The following COPS4 variants were observed in gnomAD, a reference collection of about 807,000 sequenced individuals.
COPS4 encodes COP9 signalosome complex subunit 4.
Under a neutral mutation model 55.1 loss-of-function variants are expected in COPS4, and 8 were observed. That is an observed-to-expected ratio of 0.15 (90% CI 0.09 to 0.26). COPS4 has a LOEUF of 0.26. Among genes scored for constraint, COPS4 ranks in the 10% least tolerant of loss-of-function variants. The pLI, the probability that COPS4 is intolerant of heterozygous loss-of-function variation, is 1.00. For missense variants in COPS4, 248 were observed against 484.0 expected, an observed-to-expected ratio of 0.51 and a Z score of 4.58; for synonymous variants, 185 against 165.7, an observed-to-expected ratio of 1.12 and a Z score of -0.90.
chr4:83,068,257 C>T (rs10471050), intron 8 of COPS4, among the ~76,000 whole-genome samples, 181 bp from the exon 9 acceptor site: 9,910 of 152,142 alleles, frequency 0.065, 1,103 homozygotes, highest in African/African-American at 0.22. Flanking sequence ...AAAATAATGG[C>T]TTATGTACAG....
chr4:83,073,356 AAT>A (rs541336284), intron 9 of COPS4: 96 of 643,454 alleles, frequency 1.5e-4, no homozygotes, highest in African/African-American at 1.4e-3. Flanking sequence ...CATGGCAGGT[AAT>A]CAGTGCTTCA....
chr4:83,056,536 C>T (rs552963753), intron 4 of COPS4, among the ~76,000 whole-genome samples: 6 of 152,272 alleles, frequency 3.9e-5, no homozygotes, highest in South Asian at 2.1e-4. Context: ...CAGTGGCTCA[C>T]GCCTGTAATC....
chr4:83,073,381 G>A (rs1382678459), intron 9 of COPS4: 1 of 584,996 alleles, frequency 1.7e-6, no homozygotes, highest in East Asian at 2.9e-5. Context: ...CATTTTTATA[G>A]CCGAATAGCA....
chr4:83,044,515 C>T (rs895124437), intron 1 of COPS4, among the ~76,000 whole-genome samples: 1 of 150,620 alleles, frequency 6.6e-6, no homozygotes, highest in Admixed American at 6.6e-5. Flanking sequence ...CGGTGGCTAA[C>T]GCCTGTAATC....
intron 4 of COPS4, among the ~76,000 whole-genome samples, chr4:83,056,615 G>A (rs993915437): frequency 6.6e-6 from 1 of 152,042 alleles, no homozygotes; most frequent in African/African-American, 2.4e-5. Flanking sequence ...TGGCTAACAC[G>A]ATGAAACCCC....
chr4:83,063,387 A>C (rs1731214439), intron 7 of COPS4, 141 bp downstream of exon 7: 2 of 615,498 alleles, frequency 3.2e-6, no homozygotes, highest in East Asian at 7.5e-5. Flanking sequence ...TTTTATTTAA[A>C]ATTTTTTTTT....
intron 7 of COPS4, chr4:83,065,174 C>T: frequency 2.1e-6 from 1 of 473,622 alleles, no homozygotes; most frequent in South Asian, 3.8e-5. Context: ...CTGCACCTGC[C>T]TGCTTTTTTG....
intron 1 of COPS4, among the ~76,000 whole-genome samples, chr4:83,037,697 G>A (rs1311996432): frequency 6.6e-6 from 1 of 151,892 alleles, no homozygotes; most frequent in Admixed American, 6.6e-5. Context: ...AGGTTTTTGG[G>A]TGTTTTTTTT....
chr4:83,063,342 T>A, intron 7 of COPS4, 96 bp downstream of exon 7: 1 of 756,396 alleles, frequency 1.3e-6, no homozygotes. Flanking sequence ...ATAATAATTC[T>A]ACATAACACT....
chr4:83,041,860 AT>A (rs1226242223), intron 1 of COPS4, among the ~76,000 whole-genome samples: 1 of 150,926 alleles, frequency 6.6e-6, no homozygotes, highest in Non-Finnish European at 1.5e-5. Flanking sequence ...TATTATTGTA[AT>A]TTAATACTTT....
intron 6 of COPS4, among the ~76,000 whole-genome samples, chr4:83,059,221 T>C (rs915533890): frequency 6.6e-6 from 1 of 152,140 alleles, no homozygotes; most frequent in African/African-American, 2.4e-5. Context: ...GTTTTGTTTA[T>C]GACATTTTTG....
chr4:83,073,817 C>T lies in COPS4; in HGVS notation c.1088-1480C>T, dbSNP rs886249766. 1.4e-4 allele frequency among the ~76,000 whole-genome samples: 21 copies of T among 152,138 alleles called. 1 individual carries two copies. The highest frequency in any genetic ancestry group is 1.2e-3 in the Admixed American group (19 of 15,272). On this transcript the variant is annotated intron_variant, in intron 9 of 9. Transcript: ENST00000264389. ...ACTAAAAATACAAAAATTAGCTGGG[C>T]GTAGTGGTGCATGCCTGTAGTCCCA...
chr4:83,041,066 T>C (rs1354257565), intron 1 of COPS4, among the ~76,000 whole-genome samples: 1 of 151,456 alleles, frequency 6.6e-6, no homozygotes, highest in Non-Finnish European at 1.5e-5. Flanking sequence ...TTTTTGTTTT[T>C]TGTTTTTTTT....
At chr4:83,070,832 G>A (rs1731408633) in intron 9 of COPS4, among the ~76,000 whole-genome samples, 1 of 152,178 alleles carries the variant, frequency 6.6e-6, no homozygotes, top group Non-Finnish European at 1.5e-5. Flanking sequence ...TGTTTACACT[G>A]TAATGAATGT....
intron 8 of COPS4, among the ~76,000 whole-genome samples, chr4:83,067,516 G>A (rs1285152264): frequency 1.4e-5 from 2 of 139,956 alleles, no homozygotes; most frequent in Non-Finnish European, 3.0e-5. Context: ...GAGTCACCAC[G>A]CCCAGCCCTT....
At chr4:83,044,835 G>A (rs964468505) in intron 1 of COPS4, among the ~76,000 whole-genome samples, 7 of 152,126 alleles carry the variant, frequency 4.6e-5, no homozygotes, top group Non-Finnish European at 7.4e-5. Flanking sequence ...CTAACCACTC[G>A]TTAAGAAATA....
chr4:83,055,449 T>G (rs1402957440), intron 4 of COPS4, among the ~76,000 whole-genome samples: 3 of 452 alleles, frequency 6.6e-3, no homozygotes. Context: ...TATTCTACCT[T>G]TTTTTTTTTT....
intron 9 of COPS4, chr4:83,073,097 T>G (rs1272987172): frequency 2.1e-6 from 1 of 476,176 alleles, no homozygotes; most frequent in Non-Finnish European, 3.8e-6. Flanking sequence ...TGTAGTATAT[T>G]TACAATGTTG....
rs532979155 is a variant in COPS4 at position 83,043,034 on chromosome 4, GC to G, written c.75-2590del. 6.8e-3 allele frequency among the ~76,000 whole-genome samples: 1,035 copies of G among 151,856 alleles called. 9 individuals carry two copies. The highest frequency in any genetic ancestry group is 0.023 in the African/African-American group (964 of 41,410). Reference sequence around the variant, plus strand: ...CAAAGTGGTAGGATTACAGGCATGAGCCACTGCGACTGGCCCTCAATTTATT... The same window carrying G: ...CAAAGTGGTAGGATTACAGGCATGAGCACTGCGACTGGCCCTCAATTTATT... On this transcript the variant is annotated intron_variant, in intron 1 of 9. Transcript: ENST00000264389.
Sources: gnomAD v4.1 joint callset for allele counts (sites outside exome capture counted in the v4.1 genomes callset) on GRCh38, gnomAD v4.1.1 for gene constraint, MANE v1.5 for transcripts, NCBI Gene and HGNC (gene_info 2026-07-23, HGNC 2026-07-21) for gene names.